The following GRIA4 variants were observed in gnomAD, a reference collection of about 807,000 sequenced individuals.
GRIA4 encodes glutamate receptor 4.
A neutral mutation model predicts 104.0 loss-of-function variants in GRIA4; 34 were observed. The ratio of observed to expected loss-of-function variants is 0.33; its 90% CI spans 0.25 to 0.44. The LOEUF is 0.44. Among genes scored for constraint, GRIA4 ranks in the 20% least tolerant of loss-of-function variants. The pLI is 1.00. For missense variants in GRIA4, 750 were observed against 1,096.5 expected (o/e 0.68, Z 4.46); for synonymous variants, 386 against 381.9 (o/e 1.01, Z -0.13).
chr11:105,823,298 G>A (rs1389528022), intron 4 of GRIA4, among the ~76,000 whole-genome samples: 1 of 152,094 alleles, frequency 6.6e-6, no homozygotes, highest in Admixed American at 6.6e-5. Flanking sequence ...GACCGAAGAG[G>A]TGGATTTCTT....
chr11:105,848,380 T>C (rs1489095374), intron 4 of GRIA4, among the ~76,000 whole-genome samples: 3 of 152,190 alleles, frequency 2.0e-5, no homozygotes, highest in African/African-American at 7.2e-5. Flanking sequence ...ACCTTCCTAA[T>C]TTTTGGCACA....
chr11:105,812,065 A>G (rs1175783592), intron 4 of GRIA4, among the ~76,000 whole-genome samples: 2 of 152,264 alleles, frequency 1.3e-5, no homozygotes, highest in Admixed American at 1.3e-4. Context: ...GAGTGCGAGC[A>G]GGAGAAAAGA....
At chr11:105,911,086 ATTTTG>A (rs756869666) in intron 10 of GRIA4, among the ~76,000 whole-genome samples, 4 of 152,036 alleles carry the variant, frequency 2.6e-5, no homozygotes, top group African/African-American at 4.8e-5. Context: ...TTAGGAATTA[ATTTTG>A]TTTTATTTTT....
intron 4 of GRIA4, among the ~76,000 whole-genome samples, chr11:105,823,453 G>A (rs1490337112): frequency 6.6e-6 from 1 of 152,086 alleles, no homozygotes; most frequent in East Asian, 1.9e-4. Flanking sequence ...ACATGGATAA[G>A]AGGCTTGAAG....
intron 4 of GRIA4, among the ~76,000 whole-genome samples, chr11:105,811,808 C>G (rs1030790493): frequency 2.0e-5 from 3 of 152,214 alleles, no homozygotes; most frequent in African/African-American, 7.2e-5. Flanking sequence ...CATTAAAAAA[C>G]TAGGCCATGA....
intron 4 of GRIA4, among the ~76,000 whole-genome samples, chr11:105,760,346 G>A (rs1225348061): frequency 6.6e-6 from 1 of 151,984 alleles, no homozygotes; most frequent in East Asian, 1.9e-4. Flanking sequence ...TGCTGCCCTT[G>A]TTCTAGGACT....
intron 4 of GRIA4, among the ~76,000 whole-genome samples, chr11:105,838,075 T>A (rs1385828455): frequency 6.6e-6 from 1 of 152,136 alleles, no homozygotes; most frequent in Non-Finnish European, 1.5e-5. Flanking sequence ...GATAAAAAGC[T>A]GGTTACAATG....
At chr11:105,688,872 A>T (rs887374598) in intron 3 of GRIA4, among the ~76,000 whole-genome samples, 2 of 152,016 alleles carry the variant, frequency 1.3e-5, no homozygotes, top group Non-Finnish European at 2.9e-5. Context: ...AAAAAGTCTT[A>T]CCGCTGTTTA....
intron 4 of GRIA4, among the ~76,000 whole-genome samples, chr11:105,835,170 A>C (rs558318092): frequency 6.6e-6 from 1 of 151,700 alleles, no homozygotes; most frequent in Non-Finnish European, 1.5e-5. Context: ...TTTTATACTT[A>C]ATTATTTAAA....
rs1252801552 is a variant in GRIA4 at position 105,632,321 on chromosome 11, T to C, written c.247+19887T>C. Among the ~76,000 whole-genome samples the C allele has an allele frequency of 2.0e-5, 3 of 152,316 alleles. No homozygotes were observed. In the East Asian group the frequency reaches 5.8e-4, roughly 29 times the overall value. On this transcript the variant is annotated intron_variant, in intron 3 of 16. Transcript: ENST00000282499. ...CCCATCTCATCTCCACATAAGAACCTCTACTCCAAATATGTCTGTTTACAC... is the reference window on the plus strand; with the variant it reads ...CCCATCTCATCTCCACATAAGAACCCCTACTCCAAATATGTCTGTTTACAC...
intron 3 of GRIA4, among the ~76,000 whole-genome samples, chr11:105,663,480 T>C (rs1324772898): frequency 2.0e-5 from 3 of 151,952 alleles, no homozygotes; most frequent in Non-Finnish European, 4.4e-5. Flanking sequence ...GTGAATATAT[T>C]TTAAAGTGAC....
intron 3 of GRIA4, chr11:105,707,951 G>A (rs547046601): frequency 2.6e-5 from 4 of 152,166 alleles, no homozygotes; most frequent in African/African-American, 9.6e-5. Context: ...TTAGACTGTT[G>A]GTTTGCCATT....
chr11:105,661,258 T>C (rs1952000723), intron 3 of GRIA4, among the ~76,000 whole-genome samples: 1 of 151,656 alleles, frequency 6.6e-6, no homozygotes, highest in Admixed American at 6.6e-5. Flanking sequence ...CAGTAATAAG[T>C]TATGCCTTCA....
At chr11:105,812,468 A>C (rs1292887354) in intron 4 of GRIA4, among the ~76,000 whole-genome samples, 1 of 152,148 alleles carries the variant, frequency 6.6e-6, no homozygotes, top group Non-Finnish European at 1.5e-5. Flanking sequence ...CTTTTCTGTT[A>C]CCTACTACCA....
intron 4 of GRIA4, among the ~76,000 whole-genome samples, chr11:105,861,701 A>G (rs539435123): frequency 1.1e-4 from 17 of 152,294 alleles, no homozygotes; most frequent in African/African-American, 3.8e-4. Context: ...TGAAATTGCT[A>G]TTGACTACAG....
At chr11:105,772,378 C>T (rs1229597439) in intron 4 of GRIA4, among the ~76,000 whole-genome samples, 1 of 152,120 alleles carries the variant, frequency 6.6e-6, no homozygotes, top group Non-Finnish European at 1.5e-5. Context: ...CTCACCAATT[C>T]AGACAGACAA....
At chr11:105,926,138 C>T (rs1006759781) in intron 12 of GRIA4, among the ~76,000 whole-genome samples, 3 of 152,080 alleles carry the variant, frequency 2.0e-5, no homozygotes, top group South Asian at 2.1e-4. Context: ...ATGGTCACTT[C>T]GAGACCAATT....
chr11:105,919,808 G>A (rs977251778), intron 11 of GRIA4, among the ~76,000 whole-genome samples: 2 of 152,176 alleles, frequency 1.3e-5, no homozygotes, highest in African/African-American at 4.8e-5. Context: ...ACACATACTC[G>A]AAATGTAATA....
chr11:105,783,786 GTA>G (rs1555006900), intron 4 of GRIA4, among the ~76,000 whole-genome samples: 16 of 136,500 alleles, frequency 1.2e-4, no homozygotes, highest in African/African-American at 2.4e-4. Context: ...GTGTGTGTGT[GTA>G]TGTGTATGAG....
Sources: gnomAD v4.1 joint callset for allele counts (sites outside exome capture counted in the v4.1 genomes callset) on GRCh38, gnomAD v4.1.1 for gene constraint, MANE v1.5 for transcripts, NCBI Gene and HGNC (gene_info 2026-07-23, HGNC 2026-07-21) for gene names.